CACHD1: variants seen among roughly 807,000 people sequenced by gnomAD.
CACHD1 encodes VWFA and cache domain-containing protein 1.
A neutral mutation model predicts 138.7 loss-of-function variants in CACHD1; 71 were observed. The observed-to-expected ratio is 0.51, with a 90% CI of 0.42 to 0.62. CACHD1 has a LOEUF of 0.62. Among genes scored for constraint, CACHD1 ranks in the 20% least tolerant of loss-of-function variants. CACHD1 has a pLI of 0.00. For missense variants in CACHD1, 1,389 were observed against 1,625.3 expected (o/e 0.85, Z 2.50); for synonymous variants, 578 against 591.5 (o/e 0.98, Z 0.33).
rs1191403506 is a variant in CACHD1, at chr1:64,679,714, C to G, written c.3364C>G (p.His1122Asp). The G allele has an allele frequency of 2.5e-6, 4 of 1,614,142 alleles. No homozygotes were observed. The highest frequency in any genetic ancestry group is 1.1e-5 in the South Asian group (1 of 91,072). ...LAVYAYRHQI[H>D]RRSHQHMSPL... ...GGTGTATGCCTACCGCCACCAGATT[C>G]ATCGCCGGAGCCATCAGCATATGTC... Residue 1122 changes from histidine to aspartate, a missense_variant, in exon 24 of 27, where the codon CAT (histidine) becomes GAT (aspartate). Around this residue, in one of 5 missense-constraint regions of CACHD1, gnomAD observed 250 missense variants for 292.9 expected, o/e 0.85. Coordinates refer to ENST00000651257, the MANE Select transcript of CACHD1 (RefSeq NM_020925.4).
chr1:64,647,396 A>G (rs905797771), intron 8 of CACHD1, among the ~76,000 whole-genome samples: 1 of 152,248 alleles, frequency 6.6e-6, no homozygotes, highest in African/African-American at 2.4e-5. Flanking sequence ...TCTGTTCTTT[A>G]AAACTCTTAC....
chr1:64,595,772 C>T (rs1178400555), intron 3 of CACHD1, among the ~76,000 whole-genome samples: 1 of 152,168 alleles, frequency 6.6e-6, no homozygotes, highest in Non-Finnish European at 1.5e-5. Context: ...CACAGCAGGG[C>T]CTTCTCTCCA....
At chr1:64,542,568 ATGTT>A (rs901394179) in intron 1 of CACHD1, among the ~76,000 whole-genome samples, 2 of 152,086 alleles carry the variant, frequency 1.3e-5, no homozygotes, top group African/African-American at 4.8e-5. Flanking sequence ...ACTCTGAAAA[ATGTT>A]TGTCTTTCTC....
At chr1:64,476,087 C>A (rs906704551) in intron 1 of CACHD1, among the ~76,000 whole-genome samples, 1 of 141,706 alleles carries the variant, frequency 7.1e-6, no homozygotes, top group African/African-American at 2.5e-5. Context: ...TCCACACACA[C>A]AGGCCAGTCC....
intron 8 of CACHD1, among the ~76,000 whole-genome samples, chr1:64,646,444 A>T (rs893722364): frequency 6.6e-6 from 1 of 152,120 alleles, no homozygotes; most frequent in Admixed American, 6.5e-5. Flanking sequence ...GAAAGAAATG[A>T]TTTGCCAGGC....
intron 2 of CACHD1, among the ~76,000 whole-genome samples, chr1:64,556,838 G>A (rs1646802013): frequency 6.6e-6 from 1 of 152,174 alleles, no homozygotes; most frequent in Non-Finnish European, 1.5e-5. Flanking sequence ...ATTCTTGTGT[G>A]GAACACCTCT....
chr1:64,600,773 G>A (rs916978562), intron 3 of CACHD1, among the ~76,000 whole-genome samples: 3 of 152,168 alleles, frequency 2.0e-5, no homozygotes, highest in Admixed American at 2.0e-4. Context: ...CATAGACTTG[G>A]GAAGTCATCA....
At chr1:64,589,630 CT>C in intron 3 of CACHD1, among the ~76,000 whole-genome samples, 1 of 152,124 alleles carries the variant, frequency 6.6e-6, no homozygotes, top group South Asian at 2.1e-4. Flanking sequence ...AGGCAGTCTG[CT>C]AGGGAAATTT....
intron 3 of CACHD1, among the ~76,000 whole-genome samples, chr1:64,597,465 G>A (rs1450655842): frequency 6.6e-6 from 1 of 151,222 alleles, no homozygotes; most frequent in East Asian, 1.9e-4. Flanking sequence ...TCTCCCTCGG[G>A]ATGCAGTTTC....
At chr1:64,624,401 GT>G (rs1470807182) in intron 4 of CACHD1, among the ~76,000 whole-genome samples, 2 of 152,160 alleles carry the variant, frequency 1.3e-5, no homozygotes. Flanking sequence ...TGTTACAGAT[GT>G]TACTTTTAAA....
chr1:64,497,975 A>G (rs1218778109), intron 1 of CACHD1, among the ~76,000 whole-genome samples: 1 of 152,052 alleles, frequency 6.6e-6, no homozygotes, highest in Non-Finnish European at 1.5e-5. Flanking sequence ...AAAATACCAA[A>G]AATTAGCTGG....
intron 1 of CACHD1, among the ~76,000 whole-genome samples, chr1:64,493,386 G>A (rs539304769): frequency 1.9e-4 from 29 of 152,228 alleles, no homozygotes; most frequent in African/African-American, 7.0e-4. Context: ...TAAATATATA[G>A]TCGAGCACTT....
chr1:64,679,629 C>T lies in CACHD1; in HGVS notation c.3279C>T (p.Ser1093=), dbSNP rs145468960. The change falls in exon 24 of 27, where the codon AGC becomes AGT. Residue 1093 remains serine (S), a synonymous_variant. Transcript: ENST00000651257. The part of the protein sequence containing the change: ...DEVITLNMIK[S]APVGPVAGGI... ...TGATCACATTAAACATGATTAAAAG[C>T]GCCCCTGTGGGTCCTGTGGCTGGAG... 30 of 1,614,080 alleles carry T rather than the reference C, an allele frequency of 1.9e-5. No homozygotes were observed. Among genetic ancestry groups the T allele is most frequent in the Admixed American group, 3.3e-5 (2 of 60,014 alleles).
At chr1:64,634,995 CAA>C (rs71056059) in intron 7 of CACHD1, among the ~76,000 whole-genome samples, 3 of 63,872 alleles carry the variant, frequency 4.7e-5, no homozygotes, top group Admixed American at 2.7e-4. Context: ...GACTCTGTCT[CAA>C]AAAAAAAAAA....
At position 64,691,661 on chromosome 1, in the gene CACHD1, G is replaced by T. The variant is rs941722916; in HGVS notation, c.*100G>T. 69 of 1,058,300 alleles carry T rather than the reference G, an allele frequency of 6.5e-5. No homozygotes were observed. Among genetic ancestry groups the T allele is most frequent in the Non-Finnish European group, 9.7e-5 (69 of 713,056 alleles). The allele number at this position is 1,058,300 out of a possible 1,614,324, so 65.6% of individuals were successfully genotyped here. A position where few individuals can be genotyped will look rare whatever the true frequency, so the allele number is the denominator to read the frequency against. On this transcript the variant is annotated 3_prime_UTR_variant, in exon 27 of 27. Transcript: ENST00000651257. ...AAACCCACAGCAAGAGACCTCCCTT[G>T]TGTTTGTGCTTTGTGCAGAGTTGTT...
At chr1:64,575,963 A>G (rs1331358558) in intron 2 of CACHD1, among the ~76,000 whole-genome samples, 1 of 152,254 alleles carries the variant, frequency 6.6e-6, no homozygotes, top group Non-Finnish European at 1.5e-5. Context: ...AGCAAGAAAG[A>G]AATTCATTGA....
At chr1:64,621,677 A>G (rs1375632188) in intron 4 of CACHD1, among the ~76,000 whole-genome samples, 1 of 152,200 alleles carries the variant, frequency 6.6e-6, no homozygotes, top group African/African-American at 2.4e-5. Flanking sequence ...AAGTGAAGAA[A>G]GAATTTTCCC....
chr1:64,646,151 G>A (rs1557537248), intron 8 of CACHD1, among the ~76,000 whole-genome samples: 1 of 152,102 alleles, frequency 6.6e-6, no homozygotes, highest in Non-Finnish European at 1.5e-5. Context: ...AGAGACTCAA[G>A]CAATACATGA....
intron 3 of CACHD1, among the ~76,000 whole-genome samples, chr1:64,592,385 T>C (rs1197656242): frequency 6.6e-6 from 1 of 152,148 alleles, no homozygotes; most frequent in Non-Finnish European, 1.5e-5. Flanking sequence ...CAAGAGCTCA[T>C]AGGACACATG....
Sources: gnomAD v4.1 joint callset for allele counts (sites outside exome capture counted in the v4.1 genomes callset) on GRCh38, gnomAD v4.1.1 for gene constraint, gnomAD v4.1.1 regional missense constraint, MANE v1.5 for transcripts, NCBI Gene and HGNC (gene_info 2026-07-23, HGNC 2026-07-21) for gene names.